Variants in ATAD3A observed in about 807,000 individuals in gnomAD.
ATAD3A encodes the protein ATPase family AAA domain-containing protein 3A.
Under a neutral mutation model 73.8 loss-of-function variants are expected in ATAD3A, and 46 were observed. That is an observed-to-expected ratio of 0.62 (90% CI 0.49 to 0.80). ATAD3A has a LOEUF of 0.80. Among genes scored for constraint, ATAD3A ranks in the 30% least tolerant of loss-of-function variants. The pLI is 0.00. For missense variants in ATAD3A, 705 were observed against 838.0 expected (o/e 0.84, Z 1.96); for synonymous variants, 319 against 350.0 (o/e 0.91, Z 0.99).
chr1:1,528,217 C>G (rs958495288), intron 14 of ATAD3A, among the ~76,000 whole-genome samples: 3 of 152,194 alleles, frequency 2.0e-5, no homozygotes, highest in Non-Finnish European at 2.9e-5. Flanking sequence ...CTCTCCTCAG[C>G]CTCCCAAAGT....
chr1:1,514,611 A>G (rs1444547519), intron 1 of ATAD3A, among the ~76,000 whole-genome samples: 1 of 152,128 alleles, frequency 6.6e-6, no homozygotes, highest in East Asian at 1.9e-4. Flanking sequence ...ACCCACCCCA[A>G]CACCAAAGCG....
At chr1:1,518,581 A>G (rs1381553220) in intron 4 of ATAD3A, among the ~76,000 whole-genome samples, 1 of 102,550 alleles carries the variant, frequency 9.8e-6, no homozygotes, top group East Asian at 3.5e-4. Flanking sequence ...ACACACACAC[A>G]CACCCGCACA....
Position 1,534,239 on chromosome 1 carries a change from C to T in ATAD3A, c.*167C>T, listed in dbSNP as rs1056214291. ...GGTGCGGGTCGGCCGTTCTGCCCCC[C>T]AGGGCACCCCCTGTTGTAGGCACTG... On this transcript the variant is annotated 3_prime_UTR_variant, in exon 16 of 16. Coordinates refer to ENST00000378756, the MANE Select transcript of ATAD3A (RefSeq NM_001170535.3). 2.0e-6 allele frequency: 3 copies of T among 1,497,162 alleles called. No individual in the cohort carries two copies. The highest frequency in any genetic ancestry group is 1.8e-6 in the Non-Finnish European group (2 of 1,126,782). The allele number at this position is 1,497,162 out of a possible 1,614,324, so 92.7% of individuals were successfully genotyped here. A position where few individuals can be genotyped will look rare whatever the true frequency, so the allele number is the denominator to read the frequency against.
chr1:1,529,387 C>T (rs1641959427), intron 15 of ATAD3A, 56 bp downstream of exon 15: 1 of 1,514,560 alleles, frequency 6.6e-7, no homozygotes. Context: ...TGTGGAGATG[C>T]TCAGTTGCGC....
At chr1:1,521,320 A>AC (rs1398649788) in intron 7 of ATAD3A, among the ~76,000 whole-genome samples, 2 of 150,848 alleles carry the variant, frequency 1.3e-5, no homozygotes, top group African/African-American at 2.4e-5. Context: ...AAAAAAAAAA[A>AC]AAAAAAAAAC....
Position 1,534,163 on chromosome 1 carries a change from T to G in ATAD3A, c.*91T>G. On this transcript the variant is annotated 3_prime_UTR_variant, in exon 16 of 16. Transcript: ENST00000378756. Reference sequence around the variant, plus strand: ...CCCCTGCACATTTAGGATATGCTCCTGGGTGGGGACTGGGCTGTGCCCAGG... The same window carrying G: ...CCCCTGCACATTTAGGATATGCTCCGGGGTGGGGACTGGGCTGTGCCCAGG... 6.2e-7 allele frequency: 1 copy of G among 1,601,380 alleles called. No individual in the cohort carries two copies. The highest frequency in any genetic ancestry group is 8.5e-7 in the Non-Finnish European group (1 of 1,174,736).
At position 1,534,593 on chromosome 1, in the gene ATAD3A, G is replaced by A. The variant is rs557019850; in HGVS notation, c.*521G>A. On this transcript the variant is annotated 3_prime_UTR_variant, in exon 16 of 16. Transcript: ENST00000378756. ...GAGAGGAGGGAGGAGGGAACCTGGC[G>A]GGGGTGTCTGAGGCCGCACTGTCAG... 29 of 218,982 alleles carry A rather than the reference G, an allele frequency of 1.3e-4. No homozygotes were observed. The highest frequency in any genetic ancestry group is 3.3e-4 in the Admixed American group (6 of 18,448). 13.6% of individuals were successfully genotyped at this position (218,982 alleles called of 1,614,324 possible).
Position 1,520,487 on chromosome 1 carries a change from C to T in ATAD3A, c.681-61C>T. On this transcript the variant is annotated intron_variant, in intron 6 of 15. Transcript: ENST00000378756. This position sits in a 1 kb window ranked among gnomAD's most constrained non-coding sequence, Gnocchi z 4.0. ...ATGTCAGGGCCTCACCCTCAACCTG[C>T]TCTCGCTGCGTGGCACGGATCTTCG... 1.9e-6 allele frequency: 3 copies of T among 1,613,724 alleles called. No homozygotes were observed. The highest frequency in any genetic ancestry group is 4.5e-5 in the East Asian group (2 of 44,874).
intron 5 of ATAD3A, among the ~76,000 whole-genome samples, chr1:1,519,694 C>T (rs1168568286): frequency 1.4e-5 from 2 of 138,754 alleles, no homozygotes; most frequent in Non-Finnish European, 3.1e-5. Context: ...AGGCACGTGG[C>T]ACGTCACGCG....
rs143187454 is a variant in ATAD3A, at chr1:1,524,353, C to T, written c.1170C>T (p.Thr390=). 68 of 1,611,144 alleles carry T rather than the reference C, an allele frequency of 4.2e-5. No homozygotes were observed. The African/African-American group carries it at 5.1e-4, about 12-fold the overall frequency. The change falls in exon 11 of 16, where the codon ACC becomes ACT. Residue 390 remains threonine (T), a synonymous_variant. Transcript: ENST00000378756. Reference sequence around the variant, plus strand: ...CCCCCATGGGGCGGGAAGGCGTGACCGCCATGCACAAGCTCTTTGACTGGG... The same window carrying T: ...CCCCCATGGGGCGGGAAGGCGTGACTGCCATGCACAAGCTCTTTGACTGGG... ...DVAPMGREGV[T]AMHKLFDWAN...
intron 7 of ATAD3A, among the ~76,000 whole-genome samples, chr1:1,522,293 A>G (rs1323496088): frequency 6.6e-6 from 1 of 151,004 alleles, no homozygotes; most frequent in African/African-American, 2.4e-5. Flanking sequence ...CACCTGCCTC[A>G]GCCTCCCAAA....
At chr1:1,521,327 A>AAAAC in intron 7 of ATAD3A, among the ~76,000 whole-genome samples, 1 of 151,134 alleles carries the variant, frequency 6.6e-6, no homozygotes, top group East Asian at 1.9e-4. Context: ...AAAAAAAAAA[A>AAAAC]AACCAGAAGG....
intron 15 of ATAD3A, among the ~76,000 whole-genome samples, chr1:1,530,478 G>A (rs1641995725): frequency 6.6e-6 from 1 of 152,108 alleles, no homozygotes; most frequent in Admixed American, 6.5e-5. Flanking sequence ...AGGCTGCAGT[G>A]AGCTGTGATT....
chr1:1,522,826 G>T lies in ATAD3A; in HGVS notation c.833G>T (p.Arg278Leu), dbSNP rs748484836. 1.2e-6 allele frequency: 2 copies of T among 1,610,658 alleles called. No individual in the cohort carries two copies. The highest frequency in any genetic ancestry group is 2.2e-5 in the South Asian group (2 of 90,982). ...GTCGCCGGCCGCTTCATCGAGGCTCGGCTGGGGAAGCCGTCCCTAGTGAGG... is the reference window on the plus strand; with the variant it reads ...GTCGCCGGCCGCTTCATCGAGGCTCTGCTGGGGAAGCCGTCCCTAGTGAGG... The part of the protein sequence containing the change: ...TLVAGRFIEA[R>L]LGKPSLVRET... The change falls in exon 8 of 16, where the codon CGG (arginine) becomes CTG (leucine). Residue 278 changes from arginine to leucine, a missense_variant. By Grantham distance (102) the Arg-to-Leu change is moderately radical. This residue lies in a region of ATAD3A where 315 missense variants were observed against 334.1 expected (regional missense o/e 0.94). Coordinates refer to ENST00000378756, the MANE Select transcript of ATAD3A (RefSeq NM_001170535.3).
At position 1,523,396 on chromosome 1, in the gene ATAD3A, C is replaced by A; in HGVS notation, c.907-115C>A. The stretch of plus-strand genomic sequence containing the variant: ...GGTTCCAGCTCCGGGCCGGTCCTGG[C>A]TGTGCTTTGGGGCAGCTCCGTTTCT... On this transcript the variant is annotated intron_variant, in intron 8 of 15. Transcript: ENST00000378756. This position sits in a 1 kb window ranked among gnomAD's most constrained non-coding sequence, Gnocchi z 5.1. 1 of 1,505,594 alleles carries A rather than the reference C, an allele frequency of 6.6e-7. No individual in the cohort carries two copies. The highest frequency in any genetic ancestry group is 9.0e-7 in the Non-Finnish European group (1 of 1,111,152). 93.3% of individuals were successfully genotyped at this position (1,505,594 alleles called of 1,614,324 possible). A position where few individuals can be genotyped will look rare whatever the true frequency, so the allele number is the denominator to read the frequency against.
At chr1:1,512,733 G>A (rs1292375760) in intron 1 of ATAD3A, 17 of 1,173,076 alleles carry the variant, frequency 1.4e-5, no homozygotes, top group African/African-American at 1.6e-5. Context: ...GGTTACAGGG[G>A]TCAGGGTCTG....
At position 1,534,133 on chromosome 1, in the gene ATAD3A, G is replaced by A. The variant is rs551537403; in HGVS notation, c.*61G>A. 27 of 1,607,838 alleles carry A rather than the reference G, an allele frequency of 1.7e-5. No homozygotes were observed. In the Admixed American group the frequency reaches 3.8e-4, roughly 23 times the overall value. On this transcript the variant is annotated 3_prime_UTR_variant, in exon 16 of 16. Transcript: ENST00000378756. ...CGCGGACCCCTCCCACCCCTGCCTT[G>A]CCGGCCCCTGCACATTTAGGATATG...
rs374152849 is a variant in ATAD3A at position 1,520,497 on chromosome 1, G to A, written c.681-51G>A. The A allele has an allele frequency of 7.7e-5, 125 of 1,614,064 alleles. No individual in the cohort carries two copies. Among genetic ancestry groups the A allele is most frequent in the East Asian group, 3.1e-4 (14 of 44,886 alleles). ...CTCACCCTCAACCTGCTCTCGCTGC[G>A]TGGCACGGATCTTCGTGTCCTTCCT... On this transcript the variant is annotated intron_variant, in intron 6 of 15. Coordinates refer to ENST00000378756, the MANE Select transcript of ATAD3A (RefSeq NM_001170535.3). The surrounding 1 kb of genome is among the most constrained non-coding windows in gnomAD (Gnocchi z 4.0).
rs572359942 is a variant in ATAD3A, at chr1:1,533,644, C to G, written c.1615-282C>G. Reference sequence around the variant, plus strand: ...TCCCACCTGCCTCTCGGAAGCTGCCCTGGGTCGGCGGTCAGTGAGGCTCCG... The same window carrying G: ...TCCCACCTGCCTCTCGGAAGCTGCCGTGGGTCGGCGGTCAGTGAGGCTCCG... On this transcript the variant is annotated intron_variant, in intron 15 of 15. Coordinates refer to ENST00000378756, the MANE Select transcript of ATAD3A (RefSeq NM_001170535.3). Among the ~76,000 whole-genome samples, 128 of 152,248 alleles carry G rather than the reference C, an allele frequency of 8.4e-4. 1 individual carries two copies. Among genetic ancestry groups the G allele is most frequent in the African/African-American group, 2.9e-3 (121 of 41,488 alleles).
Sources: gnomAD v4.1 joint callset for allele counts (sites outside exome capture counted in the v4.1 genomes callset) on GRCh38, gnomAD v4.1.1 for gene constraint, gnomAD v4.1.1 regional missense constraint, Gnocchi (gnomAD v3.1) non-coding constraint, MANE v1.5 for transcripts, NCBI Gene and HGNC (gene_info 2026-07-23, HGNC 2026-07-21) for gene names.